Variants in DOCK5 observed in about 807,000 individuals in gnomAD.
DOCK5 encodes the protein dedicator of cytokinesis protein 5.
A neutral mutation model predicts 251.8 loss-of-function variants in DOCK5; 142 were observed. The observed-to-expected ratio is 0.56, with a 90% CI of 0.49 to 0.65. DOCK5 has a LOEUF of 0.65. DOCK5 is among the 30% of genes least tolerant of loss of function. The pLI is 0.00. For synonymous variants in DOCK5, 842 were observed against 835.5 expected (o/e 1.01, Z -0.13); for missense variants, 2,111 against 2,312.3 (o/e 0.91, Z 1.79).
At chr8:25,405,868 A>G (rs1487616836) in intron 48 of DOCK5, among the ~76,000 whole-genome samples, 1 of 152,268 alleles carries the variant, frequency 6.6e-6, no homozygotes, top group South Asian at 2.1e-4. Flanking sequence ...AAGGTTTAAA[A>G]GAAAACAATG....
At chr8:25,266,185 T>C (rs1230317732) in intron 2 of DOCK5, among the ~76,000 whole-genome samples, 2 of 151,744 alleles carry the variant, frequency 1.3e-5, no homozygotes, top group African/African-American at 4.9e-5. Flanking sequence ...TTGCAGCTAC[T>C]GATATGCCCA....
intron 43 of DOCK5, 34 bp from the exon 44 acceptor site, chr8:25,392,762 G>T: frequency 1.3e-6 from 2 of 1,573,498 alleles, no homozygotes; most frequent in South Asian, 2.3e-5. Context: ...CCTGGGAATT[G>T]ACCAACATTT....
At chr8:25,197,977 C>T (rs1292760183) in intron 1 of DOCK5, among the ~76,000 whole-genome samples, 2 of 151,974 alleles carry the variant, frequency 1.3e-5, no homozygotes, top group Non-Finnish European at 2.9e-5. Flanking sequence ...GTCTCGATCT[C>T]CTGACGTCGT....
chr8:25,310,503 A>G lies in DOCK5; in HGVS notation c.1289A>G (p.Lys430Arg), dbSNP rs775470962. 3 of 1,612,932 alleles carry G rather than the reference A, an allele frequency of 1.9e-6. No individual in the cohort carries two copies. The African/African-American group carries it at 4.0e-5, about 22-fold the overall frequency. Residue 430 changes from lysine (K) to arginine (R), a missense_variant, in exon 13 of 52, where the codon AAG becomes AGG. By Grantham distance (26) the Lys-to-Arg change is conservative. Around this residue, in one of 3 missense-constraint regions of DOCK5, gnomAD observed 1,717 missense variants for 1,892.4 expected, o/e 0.91. Transcript: ENST00000276440. Reference sequence around the variant, plus strand: ...GATAGATCAACAGCAATAGCCCGGAAGATGGGCTTTCCTGAAATCATACTG... The same window carrying G: ...GATAGATCAACAGCAATAGCCCGGAGGATGGGCTTTCCTGAAATCATACTG... Reference protein sequence around the residue: ...LVDRSTAIARKMGFPEIILPG... With the variant: ...LVDRSTAIARRMGFPEIILPG...
At position 25,323,939 on chromosome 8, in the gene DOCK5, G is replaced by C; in HGVS notation, c.1707G>C (p.Leu569=). 6.2e-7 allele frequency: 1 copy of C among 1,611,636 alleles called. No individual in the cohort carries two copies. ...CTCTGCAGGATGGGAGGCACGATCT[G>C]GTGGTTTATAAGGTGGTGCTAACAG... is the stretch of plus-strand genomic sequence containing the variant. The part of the protein sequence containing the change: ...GTTLQDGRHD[L]VVYKGDNKKM... The change falls in exon 17 of 52, where the codon CTG becomes CTC. Residue 569 remains leucine (L), a synonymous_variant. Coordinates refer to ENST00000276440, the MANE Select transcript of DOCK5 (RefSeq NM_024940.8).
chr8:25,282,500 T>C (rs1236927289), intron 5 of DOCK5, among the ~76,000 whole-genome samples: 1 of 152,174 alleles, frequency 6.6e-6, no homozygotes, highest in East Asian at 1.9e-4. Flanking sequence ...GTAGCAATAC[T>C]TGTATTATTT....
chr8:25,262,363 A>G lies in DOCK5; in HGVS notation c.128-6482A>G, dbSNP rs112312029. On this transcript the variant is annotated intron_variant, in intron 2 of 51. Coordinates refer to ENST00000276440, the MANE Select transcript of DOCK5 (RefSeq NM_024940.8). ...TTTGACAAATGCATACAATCTTGAAACACAACCGTGGTCAAGCTACAGAAC... is the reference window on the plus strand; with the variant it reads ...TTTGACAAATGCATACAATCTTGAAGCACAACCGTGGTCAAGCTACAGAAC... Among the ~76,000 whole-genome samples, 680 of 152,164 alleles carry G rather than the reference A, an allele frequency of 4.5e-3. 2 individuals carry two copies. The highest frequency in any genetic ancestry group is 9.3e-3 in the Admixed American group (142 of 15,292).
chr8:25,318,244 T>C (rs1006166658), intron 14 of DOCK5, among the ~76,000 whole-genome samples: 1 of 88,508 alleles, frequency 1.1e-5, no homozygotes, highest in Non-Finnish European at 2.4e-5. Flanking sequence ...CTCGCCACCA[T>C]GCTCGACTGA....
In DOCK5 at chr8:25,315,544, G is replaced by A. The variant is rs55694329; in HGVS notation, c.1319-1463G>A. ...AGCTCAAGCACTTTTTAAAATGAATGTTACCTCCATTACGTGATTATACCA... is the reference window on the plus strand; with the variant it reads ...AGCTCAAGCACTTTTTAAAATGAATATTACCTCCATTACGTGATTATACCA... On this transcript the variant is annotated intron_variant, in intron 13 of 51. Transcript: ENST00000276440. Among the ~76,000 whole-genome samples, 1,240 of 152,288 alleles carry A rather than the reference G, an allele frequency of 8.1e-3. 15 individuals carry two copies. The highest frequency in any genetic ancestry group is 0.028 in the African/African-American group (1,175 of 41,566).
At chr8:25,389,028 G>C in intron 40 of DOCK5, 63 bp from the exon 41 acceptor site, 1 of 1,546,030 alleles carries the variant, frequency 6.5e-7, no homozygotes. Flanking sequence ...TCAGTACCCG[G>C]AACTCCAGTT....
intron 40 of DOCK5, 36 bp downstream of exon 40, chr8:25,382,814 G>A (rs371700460): frequency 1.7e-5 from 26 of 1,520,862 alleles, no homozygotes; most frequent in African/African-American, 8.3e-5. Flanking sequence ...AGGCCATTAG[G>A]AGGAGGGAAG....
intron 39 of DOCK5, among the ~76,000 whole-genome samples, chr8:25,381,627 C>CAA (rs771065292): frequency 9.5e-4 from 110 of 115,806 alleles, no homozygotes; most frequent in African/African-American, 3.3e-3. Context: ...GACCCTGTCT[C>CAA]AAAAAAAAAA....
chr8:25,291,284 G>A (rs2117150014), intron 5 of DOCK5, among the ~76,000 whole-genome samples: 1 of 152,228 alleles, frequency 6.6e-6, no homozygotes, highest in South Asian at 2.1e-4. Context: ...CAAGAGGGGA[G>A]GGTGTAGAAA....
At chr8:25,306,588 G>T (rs546444454) in intron 11 of DOCK5, among the ~76,000 whole-genome samples, 1 of 151,826 alleles carries the variant, frequency 6.6e-6, no homozygotes, top group Non-Finnish European at 1.5e-5. Context: ...CAGCTACTCG[G>T]GAGGCTGAGG....
chr8:25,308,959 G>A (rs754835803), intron 12 of DOCK5, 34 bp downstream of exon 12: 2 of 1,523,762 alleles, frequency 1.3e-6, no homozygotes, highest in African/African-American at 2.7e-5. Context: ...GAGGGACTCT[G>A]CTGAGGGTGG....
At chr8:25,189,359 A>AT (rs888242879) in intron 1 of DOCK5, among the ~76,000 whole-genome samples, 10 of 150,616 alleles carry the variant, frequency 6.6e-5, no homozygotes, top group Non-Finnish European at 8.9e-5. Context: ...AGCCTGGCTG[A>AT]TTTTTTTTTC....
intron 5 of DOCK5, among the ~76,000 whole-genome samples, chr8:25,287,198 G>T (rs574077111): frequency 6.6e-6 from 1 of 152,212 alleles, no homozygotes; most frequent in African/African-American, 2.4e-5. Flanking sequence ...AGGCCGAGGT[G>T]GGAGGATCAC....
At chr8:25,302,820 C>A (rs1804801981) in intron 10 of DOCK5, among the ~76,000 whole-genome samples, 1 of 152,070 alleles carries the variant, frequency 6.6e-6, no homozygotes, top group African/African-American at 2.4e-5. Flanking sequence ...CACAAAAGGA[C>A]AAATATTGTA....
chr8:25,321,726 G>A (rs1805430514), intron 16 of DOCK5, among the ~76,000 whole-genome samples: 1 of 152,150 alleles, frequency 6.6e-6, no homozygotes, highest in Non-Finnish European at 1.5e-5. Context: ...CTGCTGTGTA[G>A]CCCAGTTCCT....
Sources: allele counts gnomAD v4.1 joint callset (sites outside exome capture counted in the v4.1 genomes callset), GRCh38; gene constraint gnomAD v4.1.1; regional missense constraint gnomAD v4.1.1; transcripts MANE v1.5; gene names NCBI Gene and HGNC (gene_info 2026-07-23, HGNC 2026-07-21).